The following TNFRSF10D variants were observed in gnomAD, a reference collection of about 807,000 sequenced individuals.
TNFRSF10D encodes the protein tumor necrosis factor receptor superfamily member 10D.
Under a neutral mutation model 42.1 loss-of-function variants are expected in TNFRSF10D, and 28 were observed. The observed-to-expected ratio is 0.66, with a 90% CI of 0.49 to 0.91. TNFRSF10D has a LOEUF of 0.91. TNFRSF10D is among the 40% of genes least tolerant of loss of function. The pLI is 0.00. For missense variants in TNFRSF10D, 503 were observed against 486.1 expected, an observed-to-expected ratio of 1.03 and a Z score of -0.33; for synonymous variants, 186 against 189.4, an observed-to-expected ratio of 0.98 and a Z score of 0.15.
At chr8:23,157,004 C>CT (rs879370169) in intron 1 of TNFRSF10D, among the ~76,000 whole-genome samples, 2 of 151,898 alleles carry the variant, frequency 1.3e-5, no homozygotes, top group Middle Eastern at 3.2e-3. Context: ...ACATATTTTT[C>CT]TTTTTTTGAC....
intron 7 of TNFRSF10D, among the ~76,000 whole-genome samples, chr8:23,138,936 C>A (rs1209387838): frequency 3.3e-5 from 5 of 152,048 alleles, no homozygotes; most frequent in African/African-American, 1.2e-4. Context: ...AAATCAGGAC[C>A]CAAACACCTG....
In TNFRSF10D at chr8:23,147,012, C is replaced by A. The variant is rs373816574; in HGVS notation, c.431G>T (p.Gly144Val). 12 of 1,613,478 alleles carry A rather than the reference C, an allele frequency of 7.4e-6. No individual in the cohort carries two copies. Among genetic ancestry groups the A allele is most frequent in the Non-Finnish European group, 9.3e-6 (11 of 1,180,038 alleles). ...AGGGGAGTTTTTATCCTGGAAGCTT[C>A]CTTTTTCACACTGACACACGGTGTC... ...TRDTVCQCEK[G>V]SFQDKNSPEM... is the part of the protein sequence containing the mutation. Residue 144 changes from glycine (G) to valine (V), a missense_variant, in exon 4 of 9, where the codon GGA becomes GTA. Physicochemically the swap from Gly to Val is moderately radical, Grantham distance 109 (BLOSUM62 -3). Coordinates refer to ENST00000312584, the MANE Select transcript of TNFRSF10D (RefSeq NM_003840.5).
chr8:23,152,722 C>T (rs1338394032), intron 2 of TNFRSF10D, among the ~76,000 whole-genome samples: 942 of 152,094 alleles, frequency 6.2e-3, no homozygotes, highest in African/African-American at 0.019. Flanking sequence ...CGGAAAGTAA[C>T]AAAAATAAAT....
chr8:23,155,527 G>A (rs1254505400), intron 1 of TNFRSF10D, among the ~76,000 whole-genome samples: 1 of 151,916 alleles, frequency 6.6e-6, no homozygotes, highest in Non-Finnish European at 1.5e-5. Context: ...AGACCATCCT[G>A]GTTAACACAG....
intron 2 of TNFRSF10D, among the ~76,000 whole-genome samples, chr8:23,149,420 G>T (rs140377444): frequency 1.3e-5 from 2 of 151,290 alleles, no homozygotes; most frequent in Non-Finnish European, 2.9e-5. Context: ...TGTATTCTTA[G>T]TTGACACGGT....
chr8:23,139,730 G>A (rs1327202513), intron 7 of TNFRSF10D, among the ~76,000 whole-genome samples: 3 of 152,160 alleles, frequency 2.0e-5, no homozygotes, highest in Non-Finnish European at 4.4e-5. Context: ...ATGAAATGAA[G>A]AAGTGAAAAC....
rs751990373 is a variant in TNFRSF10D, at chr8:23,163,804, G to C, written c.132C>G (p.Ile44Met). 4.6e-5 allele frequency: 74 copies of C among 1,607,072 alleles called. No homozygotes were observed. Among genetic ancestry groups the C allele is most frequent in the Non-Finnish European group, 5.9e-5 (70 of 1,178,698 alleles). Residue 44 changes from isoleucine (I) to methionine (M), a missense_variant, in exon 1 of 9, where the codon ATC becomes ATG. Ile to Met is a conservative substitution (Grantham distance 10). Transcript: ENST00000312584. ...DPKILKFVVF[I>M]VAVLLPVRVD... ...GACTCACCGGCAGCAGAACCGCGAC[G>C]ATGAAGACGACGAACTTAAGGATCT...
At chr8:23,154,219 G>A (rs564381697) in intron 2 of TNFRSF10D, among the ~76,000 whole-genome samples, 8 of 152,304 alleles carry the variant, frequency 5.3e-5, no homozygotes, top group African/African-American at 1.4e-4. Context: ...GTATTTGCAC[G>A]GTGGGTTGGA....
intron 7 of TNFRSF10D, among the ~76,000 whole-genome samples, chr8:23,138,769 G>A (rs1309337950): frequency 1.3e-5 from 2 of 152,206 alleles, no homozygotes; most frequent in Non-Finnish European, 2.9e-5. Context: ...CTCTATGGAG[G>A]CTGGAAAGAC....
At chr8:23,154,650 G>T (rs182856119) in intron 2 of TNFRSF10D, among the ~76,000 whole-genome samples, 564 of 151,546 alleles carry the variant, frequency 3.7e-3, no homozygotes, top group African/African-American at 0.012. Flanking sequence ...CAGGTGAGGA[G>T]GGCAAAGAGG....
chr8:23,144,969 C>A (rs1270840335), intron 6 of TNFRSF10D, 89 bp downstream of exon 6: 11 of 1,584,262 alleles, frequency 6.9e-6, no homozygotes, highest in Admixed American at 1.7e-5. Flanking sequence ...GCCATGAGGA[C>A]AAGGGATTGT....
Position 23,154,736 on chromosome 8 carries a change from C to T in TNFRSF10D, c.256+138G>A, listed in dbSNP as rs112684950. 1.0e-3 allele frequency: 989 copies of T among 975,654 alleles called. 4 individuals are homozygous for T. The African/African-American group carries it at 0.014, about 14-fold the overall frequency. 60.4% of individuals were successfully genotyped at this position (975,654 alleles called of 1,614,324 possible). ...TTTAAGTGTTCTTACAACAAATACACGATAAGTATGTGAATTAGCTTGATT... is the reference window on the plus strand; with the variant it reads ...TTTAAGTGTTCTTACAACAAATACATGATAAGTATGTGAATTAGCTTGATT... On this transcript the variant is annotated intron_variant, in intron 2 of 8. Coordinates refer to ENST00000312584, the MANE Select transcript of TNFRSF10D (RefSeq NM_003840.5).
intron 1 of TNFRSF10D, among the ~76,000 whole-genome samples, chr8:23,162,697 G>A (rs73222565): frequency 0.092 from 14,046 of 152,122 alleles, 831 homozygotes; most frequent in Middle Eastern, 0.17. Context: ...TAAGGAAGGG[G>A]CCATCCCGCG....
intron 3 of TNFRSF10D, among the ~76,000 whole-genome samples, chr8:23,148,026 C>A (rs1321035395): frequency 1.4e-5 from 2 of 139,478 alleles, no homozygotes; most frequent in African/African-American, 5.4e-5. Context: ...GATCGCGCCA[C>A]TGCACTCCAG....
chr8:23,153,281 AG>A (rs1311064647), intron 2 of TNFRSF10D, among the ~76,000 whole-genome samples: 625 of 151,802 alleles, frequency 4.1e-3, no homozygotes, highest in African/African-American at 0.013. Flanking sequence ...AAGAAAACAT[AG>A]GGGAAAATCT....
intron 7 of TNFRSF10D, among the ~76,000 whole-genome samples, chr8:23,140,178 G>A (rs1046138263): frequency 5.3e-5 from 8 of 152,072 alleles, no homozygotes; most frequent in Non-Finnish European, 8.8e-5. Flanking sequence ...AATCCCAGCT[G>A]CTGGGGAGGC....
intron 2 of TNFRSF10D, among the ~76,000 whole-genome samples, chr8:23,150,606 T>C (rs1800201191): frequency 6.6e-6 from 1 of 152,248 alleles, no homozygotes; most frequent in Non-Finnish European, 1.5e-5. Flanking sequence ...ACAGTCATCT[T>C]ACAGAAGCTC....
At chr8:23,163,121 C>T (rs1800398845) in intron 1 of TNFRSF10D, among the ~76,000 whole-genome samples, 2 of 85,440 alleles carry the variant, frequency 2.3e-5, no homozygotes, top group South Asian at 4.3e-4. Context: ...TTTTTTGAGA[C>T]GGAGTCTCGC....
At chr8:23,159,339 CCT>C (rs927417702) in intron 1 of TNFRSF10D, among the ~76,000 whole-genome samples, 1 of 150,700 alleles carries the variant, frequency 6.6e-6, no homozygotes, top group African/African-American at 2.4e-5. Flanking sequence ...TTTTGTGTTT[CCT>C]AAAAGCAGGA....
Sources: allele counts gnomAD v4.1 joint callset (sites outside exome capture counted in the v4.1 genomes callset), GRCh38; gene constraint gnomAD v4.1.1; transcripts MANE v1.5; gene names NCBI Gene and HGNC (gene_info 2026-07-23, HGNC 2026-07-21).